The following CCDC170 variants were observed in gnomAD, a reference collection of about 807,000 sequenced individuals.
CCDC170 encodes coiled-coil domain-containing protein 170.
In CCDC170, 69 loss-of-function variants were observed where a neutral mutation model predicts 72.6. The ratio of observed to expected loss-of-function variants is 0.95; its 90% CI spans 0.78 to 1.16. The LOEUF is 1.16. CCDC170 is among the 50% of genes most tolerant of loss of function. The pLI is 0.00. For missense variants in CCDC170, 852 were observed against 832.5 expected, an observed-to-expected ratio of 1.02 and a Z score of -0.29; for synonymous variants, 300 against 303.9, an observed-to-expected ratio of 0.99 and a Z score of 0.13.
intron 1 of CCDC170, among the ~76,000 whole-genome samples, chr6:151,501,991 G>C (rs1782000750): frequency 6.6e-6 from 1 of 152,164 alleles, no homozygotes; most frequent in South Asian, 2.1e-4. Context: ...TTTGATCTAA[G>C]GCAGAGAAGT....
Position 151,573,501 on chromosome 6 carries a change from T to C in CCDC170, c.1092+10T>C, listed in dbSNP as rs757609997. Reference sequence around the variant, plus strand: ...AGAAAGCAGGGACCGGGTGAGTGGGTCATGGCTGTTTACAGACATCTTAAG... The same window carrying C: ...AGAAAGCAGGGACCGGGTGAGTGGGCCATGGCTGTTTACAGACATCTTAAG... On this transcript the variant is annotated intron_variant, in intron 6 of 10. Coordinates refer to ENST00000239374, the MANE Select transcript of CCDC170 (RefSeq NM_025059.4). The C allele has an allele frequency of 1.7e-5, 27 of 1,609,114 alleles. No homozygotes were observed. The highest frequency in any genetic ancestry group is 1.7e-4 in the Middle Eastern group (1 of 6,052).
At position 151,618,157 on chromosome 6, in the gene CCDC170, C is replaced by T. The variant is rs750288127; in HGVS notation, c.*10C>T. The stretch of plus-strand genomic sequence containing the variant: ...ACAGCTTCTTCATTGAACACTGTAT[C>T]TCTTGAGAGAGGTGGCCATAAGACA... On this transcript the variant is annotated 3_prime_UTR_variant, in exon 11 of 11. Transcript: ENST00000239374. 5.6e-6 allele frequency: 9 copies of T among 1,609,526 alleles called. No homozygotes were observed. In the South Asian group the frequency reaches 8.8e-5, roughly 16 times the overall value.
chr6:151,516,453 T>C (rs1397012299), intron 1 of CCDC170, among the ~76,000 whole-genome samples: 1 of 152,308 alleles, frequency 6.6e-6, no homozygotes, highest in East Asian at 1.9e-4. Context: ...TTGTCATGAA[T>C]GGGTGTGTTG....
chr6:151,597,292 A>T (rs56125576), intron 9 of CCDC170, among the ~76,000 whole-genome samples: 3,643 of 151,704 alleles, frequency 0.024, 146 homozygotes, highest in African/African-American at 0.083. Context: ...TGCCATGCTA[A>T]TTTTTTTGTA....
chr6:151,512,035 G>T lies in CCDC170; in HGVS notation c.57+17850G>T, dbSNP rs1782157755. 2.0e-5 allele frequency among the ~76,000 whole-genome samples: 3 copies of T among 151,914 alleles called. No homozygotes were observed. The South Asian group carries it at 6.2e-4, about 32-fold the overall frequency. The stretch of plus-strand genomic sequence containing the variant: ...AATTTTTTAATTTTTGTAGAGACAG[G>T]GGTCTCACCATGTTGCCCAGGCTAG... On this transcript the variant is annotated intron_variant, in intron 1 of 10. Coordinates refer to ENST00000239374, the MANE Select transcript of CCDC170 (RefSeq NM_025059.4).
chr6:151,496,183 T>G (rs891118041), intron 1 of CCDC170, among the ~76,000 whole-genome samples: 1 of 152,206 alleles, frequency 6.6e-6, no homozygotes, highest in African/African-American at 2.4e-5. Flanking sequence ...TGGGTAGGAA[T>G]AACATAAGAG....
intron 1 of CCDC170, among the ~76,000 whole-genome samples, chr6:151,528,144 C>T (rs1400186158): frequency 6.6e-6 from 1 of 152,134 alleles, no homozygotes; most frequent in African/African-American, 2.4e-5. Context: ...GTAGTTGGCT[C>T]TCTAAAACTA....
intron 1 of CCDC170, among the ~76,000 whole-genome samples, chr6:151,512,005 T>A (rs1782157244): frequency 6.6e-6 from 1 of 151,698 alleles, no homozygotes. Flanking sequence ...CTACCATGCC[T>A]GGCTAATTTT....
chr6:151,614,958 C>T (rs1241331104), intron 9 of CCDC170, among the ~76,000 whole-genome samples: 1 of 152,260 alleles, frequency 6.6e-6, no homozygotes, highest in East Asian at 1.9e-4. Flanking sequence ...GAAAAACTGC[C>T]CATCTATATT....
chr6:151,591,555 T>C (rs1162175883), intron 7 of CCDC170, among the ~76,000 whole-genome samples: 4 of 151,836 alleles, frequency 2.6e-5, no homozygotes, highest in Admixed American at 6.6e-5. Context: ...AGTGCGGTGG[T>C]GCAATCTCGG....
intron 5 of CCDC170, among the ~76,000 whole-genome samples, chr6:151,561,040 A>G (rs765559715): frequency 1.3e-5 from 2 of 151,782 alleles, no homozygotes; most frequent in Admixed American, 1.3e-4. Context: ...TTAAAGTAAA[A>G]ATTATTTTAA....
intron 1 of CCDC170, among the ~76,000 whole-genome samples, chr6:151,521,626 G>A (rs763926631): frequency 4.6e-5 from 7 of 152,120 alleles, no homozygotes; most frequent in Admixed American, 2.6e-4. Context: ...AGTGACCCAG[G>A]AAATAGACCA....
intron 4 of CCDC170, among the ~76,000 whole-genome samples, chr6:151,545,912 T>C (rs888503525): frequency 2.0e-5 from 3 of 151,924 alleles, no homozygotes; most frequent in Non-Finnish European, 4.4e-5. Context: ...GTGAGTACAG[T>C]TGTGGGCCAC....
chr6:151,577,733 G>A (rs1436813881), intron 6 of CCDC170, among the ~76,000 whole-genome samples: 3 of 152,340 alleles, frequency 2.0e-5, no homozygotes, highest in Middle Eastern at 3.4e-3. Context: ...GGAGGTGAGC[G>A]GTGGGCGAGC....
intron 7 of CCDC170, 81 bp from the exon 8 acceptor site, chr6:151,593,026 G>A (rs895478036): frequency 1.9e-5 from 27 of 1,439,216 alleles, no homozygotes; most frequent in Non-Finnish European, 2.5e-5. Flanking sequence ...GTAAGCTTGG[G>A]AGAAAGAGGA....
intron 1 of CCDC170, among the ~76,000 whole-genome samples, chr6:151,533,199 G>C (rs1463771052): frequency 1.3e-5 from 2 of 151,432 alleles, no homozygotes; most frequent in East Asian, 4.0e-4. Context: ...GACTACAGGC[G>C]CCCGCCACCA....
At chr6:151,597,062 G>A (rs531897933) in intron 9 of CCDC170, among the ~76,000 whole-genome samples, 1 of 152,284 alleles carries the variant, frequency 6.6e-6, no homozygotes, top group East Asian at 1.9e-4. Flanking sequence ...CTGATCTCAG[G>A]TGATCCGCCC....
intron 1 of CCDC170, among the ~76,000 whole-genome samples, chr6:151,514,386 A>AGGAC (rs2115028412): frequency 7.5e-6 from 1 of 133,712 alleles, no homozygotes; most frequent in Non-Finnish European, 1.6e-5. Flanking sequence ...GAAGGAAGGA[A>AGGAC]GGAAGGAAGG....
At chr6:151,528,003 TG>T (rs1398473018) in intron 1 of CCDC170, among the ~76,000 whole-genome samples, 1 of 152,202 alleles carries the variant, frequency 6.6e-6, no homozygotes, top group Non-Finnish European at 1.5e-5. Flanking sequence ...TACTAAATTA[TG>T]AATAAGCTTA....
Sources: gnomAD v4.1 joint callset for allele counts (sites outside exome capture counted in the v4.1 genomes callset) on GRCh38, gnomAD v4.1.1 for gene constraint, MANE v1.5 for transcripts, NCBI Gene and HGNC (gene_info 2026-07-23, HGNC 2026-07-21) for gene names.